The following BNIP2 variants were observed in gnomAD, a reference collection of about 807,000 sequenced individuals.
BNIP2 encodes BCL2 interacting protein 2, also known as BCL2/adenovirus E1B 19 kDa protein-interacting protein 2.
Under a neutral mutation model 43.4 loss-of-function variants are expected in BNIP2, and 36 were observed. The observed-to-expected ratio is 0.83, with a 90% CI of 0.64 to 1.10. The LOEUF is 1.10. Ranked by LOEUF, BNIP2 falls within the 50% of genes least tolerant of loss-of-function variation. The pLI, the probability that BNIP2 is intolerant of heterozygous loss-of-function variation, is 0.00. For missense variants in BNIP2, 417 were observed against 374.1 expected (o/e 1.11, Z -0.95); for synonymous variants, 146 against 121.0 (o/e 1.21, Z -1.35).
intron 5 of BNIP2, 185 bp downstream of exon 5, chr15:59,677,726 C>CA (rs1437523292): frequency 9.9e-5 from 112 of 1,129,750 alleles, no homozygotes; most frequent in African/African-American, 2.6e-4. Flanking sequence ...TGTAAAGTTA[C>CA]AAAAAAAACA....
chr15:59,672,000 C>T (rs1008225903), intron 6 of BNIP2, among the ~76,000 whole-genome samples: 2 of 152,096 alleles, frequency 1.3e-5, no homozygotes, highest in African/African-American at 2.4e-5. Flanking sequence ...GGCTTGAGCC[C>T]GTGAGGTCAA....
chr15:59,673,430 A>C (rs1315226769), intron 5 of BNIP2, among the ~76,000 whole-genome samples: 1 of 151,670 alleles, frequency 6.6e-6, no homozygotes, highest in South Asian at 2.1e-4. Context: ...GTGCTTTTTT[A>C]AATTTTTTTT....
rs773620356 is a variant in BNIP2 at position 59,686,707 on chromosome 15, GAAC to G, written c.-58+2425_-58+2427del. 5.1e-4 allele frequency among the ~76,000 whole-genome samples: 78 copies of G among 152,282 alleles called. 2 individuals are homozygous for G. The East Asian group carries it at 0.014, about 28-fold the overall frequency. ...GAGGGTAGTTTTCAAACAATGAAAT[GAAC>G]TGCTCTATCAGAAATGTTAACACAA... On this transcript the variant is annotated intron_variant, in intron 1 of 9. Transcript: ENST00000607373.
At chr15:59,679,894 C>T (rs184072539) in intron 3 of BNIP2, 126 bp from the exon 4 acceptor site, 4 of 873,888 alleles carry the variant, frequency 4.6e-6, no homozygotes, top group Non-Finnish European at 6.6e-6. Flanking sequence ...AATTTCAAAG[C>T]ACCTATTCAC....
intron 2 of BNIP2, 145 bp from the exon 3 acceptor site, chr15:59,680,453 C>G: frequency 1.7e-6 from 1 of 584,896 alleles, no homozygotes; most frequent in African/African-American, 1.9e-5. Flanking sequence ...CAGGGTCTTG[C>G]TGTCTGTCAC....
chr15:59,670,459 C>T (rs1191400625), intron 7 of BNIP2, among the ~76,000 whole-genome samples: 1 of 152,026 alleles, frequency 6.6e-6, no homozygotes. Context: ...AAACATAAAA[C>T]ATGCTAAGCA....
At chr15:59,683,275 T>G (rs777447452) in intron 1 of BNIP2, among the ~76,000 whole-genome samples, 2 of 152,108 alleles carry the variant, frequency 1.3e-5, no homozygotes, top group Non-Finnish European at 2.9e-5. Context: ...CTCCCTCTGG[T>G]GATGGAGTAA....
At chr15:59,685,573 G>A (rs1893962140) in intron 1 of BNIP2, among the ~76,000 whole-genome samples, 1 of 152,178 alleles carries the variant, frequency 6.6e-6, no homozygotes, top group Admixed American at 6.5e-5. Context: ...AAGTCTTTCA[G>A]CTATCTCAGC....
intron 5 of BNIP2, among the ~76,000 whole-genome samples, chr15:59,673,546 C>T (rs1893071624): frequency 1.3e-5 from 2 of 152,166 alleles, no homozygotes; most frequent in South Asian, 4.1e-4. Context: ...CACCTCATAG[C>T]CTCCAGAGGA....
At chr15:59,681,510 G>A (rs865782667) in intron 2 of BNIP2, among the ~76,000 whole-genome samples, 2 of 150,108 alleles carry the variant, frequency 1.3e-5, no homozygotes, top group African/African-American at 4.9e-5. Flanking sequence ...GTGCAGCAGC[G>A]CGACCTTGGC....
Position 59,677,393 on chromosome 15 carries a change from G to A in BNIP2, c.472+518C>T, listed in dbSNP as rs531870111. On this transcript the variant is annotated intron_variant, in intron 5 of 9. Transcript: ENST00000607373. ...CTTAAGCCATAAGGGTTGGTTTTCC[G>A]TACTCCAAACCATCAGGTGGACACA... 418 of 1,519,068 alleles carry A rather than the reference G, an allele frequency of 2.8e-4. 2 individuals are homozygous for A. The highest frequency in any genetic ancestry group is 2.2e-3 in the South Asian group (173 of 79,930). 94.1% of individuals were successfully genotyped at this position (1,519,068 alleles called of 1,614,324 possible).
At chr15:59,678,501 AC>A in intron 4 of BNIP2, 1 of 1,070,038 alleles carries the variant, frequency 9.3e-7, no homozygotes, top group Non-Finnish European at 1.1e-6. Context: ...GTTGTTGAGC[AC>A]ATAAATTAAC....
chr15:59,668,712 T>C, intron 9 of BNIP2, 180 bp downstream of exon 9: 1 of 530,096 alleles, frequency 1.9e-6, no homozygotes, highest in Non-Finnish European at 3.3e-6. Flanking sequence ...AATGCTAACT[T>C]AGGGGGATGG....
rs1315522996 is a variant in BNIP2 at position 59,677,102 on chromosome 15, G to A, written c.472+809C>T. ...AAGAAAGCACTACCTTCATAGAAAT[G>A]GGCAAGGTCAAGGATATTGTCATCA... On this transcript the variant is annotated intron_variant, in intron 5 of 9. Transcript: ENST00000607373. 1.9e-6 allele frequency: 3 copies of A among 1,608,542 alleles called. No homozygotes were observed. The Admixed American group carries it at 5.0e-5, about 27-fold the overall frequency.
At chr15:59,666,320 T>C (rs940489181) in intron 9 of BNIP2, among the ~76,000 whole-genome samples, 10 of 152,148 alleles carry the variant, frequency 6.6e-5, no homozygotes, top group Admixed American at 2.0e-4. Flanking sequence ...CCACTACTTA[T>C]CATATCATGC....
intron 1 of BNIP2, among the ~76,000 whole-genome samples, chr15:59,685,409 G>T (rs546420788): frequency 6.6e-6 from 1 of 152,328 alleles, no homozygotes; most frequent in East Asian, 1.9e-4. Flanking sequence ...GCTAAGGCAG[G>T]AGAATCGCTG....
At chr15:59,679,397 C>T in intron 4 of BNIP2, 195 bp downstream of exon 4, 1 of 460,778 alleles carries the variant, frequency 2.2e-6, no homozygotes, top group Non-Finnish European at 3.7e-6. Context: ...AACATGAGAG[C>T]AGTGGGCAAA....
chr15:59,669,394 A>C, intron 7 of BNIP2, 32 bp from the exon 8 acceptor site: 1 of 1,308,932 alleles, frequency 7.6e-7, no homozygotes, highest in Non-Finnish European at 1.0e-6. Context: ...CACACACACA[A>C]AGAAAATTAA....
chr15:59,678,493 T>C (rs1893452900), intron 4 of BNIP2: 1 of 1,067,844 alleles, frequency 9.4e-7, no homozygotes, highest in Non-Finnish European at 1.1e-6. Flanking sequence ...ATTTTGTTGT[T>C]GTTGAGCACA....
Sources: allele counts gnomAD v4.1 joint callset (sites outside exome capture counted in the v4.1 genomes callset), GRCh38; gene constraint gnomAD v4.1.1; transcripts MANE v1.5; gene names NCBI Gene and HGNC (gene_info 2026-07-23, HGNC 2026-07-21).